Variants in LARP1B observed in about 807,000 individuals in gnomAD.
LARP1B encodes the protein La ribonucleoprotein 1B, also known as la-related protein 1B.
Under a neutral mutation model 114.2 loss-of-function variants are expected in LARP1B, and 76 were observed. That is an observed-to-expected ratio of 0.67 (90% confidence interval 0.55 to 0.81). The LOEUF is 0.81. LARP1B is among the 30% of genes least tolerant of loss of function. The pLI, the probability that LARP1B is intolerant of heterozygous loss-of-function variation, is 0.00. For missense variants in LARP1B, 1,014 were observed against 1,075.8 expected (o/e 0.94, Z 0.80); for synonymous variants, 345 against 348.0 (o/e 0.99, Z 0.10).
chr4:128,206,736 C>T, intron 18 of LARP1B, 199 bp downstream of exon 18: 1 of 985,222 alleles, frequency 1.0e-6, no homozygotes, highest in Non-Finnish European at 1.2e-6. Flanking sequence ...AAAGTAACTA[C>T]TCTCAAGTCT....
At chr4:128,167,162 C>A (rs1036586187) in intron 12 of LARP1B, among the ~76,000 whole-genome samples, 3 of 151,598 alleles carry the variant, frequency 2.0e-5, no homozygotes, top group Non-Finnish European at 3.0e-5. Context: ...AATAATGTGG[C>A]AATGGACATG....
At chr4:128,169,064 A>G (rs1742376701) in intron 12 of LARP1B, among the ~76,000 whole-genome samples, 1 of 152,066 alleles carries the variant, frequency 6.6e-6, no homozygotes, top group African/African-American at 2.4e-5. Flanking sequence ...AATTTATAAT[A>G]TGCTCTTTTT....
chr4:128,162,150 T>G, intron 11 of LARP1B, 44 bp from the exon 12 acceptor site: 1 of 1,587,960 alleles, frequency 6.3e-7, no homozygotes, highest in African/African-American at 1.4e-5. Context: ...TGTTGGTTAC[T>G]CTGTTAGCCA....
At chr4:128,122,661 C>T in intron 11 of LARP1B, 20 of 1,375,782 alleles carry the variant, frequency 1.5e-5, no homozygotes, top group Non-Finnish European at 1.9e-5. Flanking sequence ...GGTGCATGAT[C>T]TAAGGTAGTG....
intron 7 of LARP1B, among the ~76,000 whole-genome samples, chr4:128,095,840 A>ACAT: frequency 1.3e-5 from 2 of 152,006 alleles, no homozygotes; most frequent in African/African-American, 4.8e-5. Context: ...TTTCTCTGTG[A>ACAT]TTTGGAAATA....
chr4:128,066,152 T>A (rs1032923155), intron 1 of LARP1B, among the ~76,000 whole-genome samples: 5 of 147,230 alleles, frequency 3.4e-5, no homozygotes, highest in Admixed American at 2.9e-4. Flanking sequence ...ATTGTCTATT[T>A]TCTTTCTTTC....
chr4:128,064,919 A>G (rs935931971), intron 1 of LARP1B, among the ~76,000 whole-genome samples: 16 of 152,082 alleles, frequency 1.1e-4, no homozygotes, highest in African/African-American at 3.9e-4. Context: ...AAATAATAAT[A>G]TTAATAATAA....
In LARP1B at chr4:128,122,732, C is replaced by T. The variant is rs550386731; in HGVS notation, c.1524+544C>T. On this transcript the variant is annotated intron_variant, in intron 11 of 19. Transcript: ENST00000326639. ...GGATGATTATCTCTCTTGGTCTAGTCATTACTGTGGTGCTAGGGTTACTTT... is the reference window on the plus strand; with the variant it reads ...GGATGATTATCTCTCTTGGTCTAGTTATTACTGTGGTGCTAGGGTTACTTT... The T allele has an allele frequency of 2.6e-4, 323 of 1,251,288 alleles. 2 individuals carry two copies. In the African/African-American group the frequency reaches 4.7e-3, roughly 18 times the overall value. 77.5% of individuals were successfully genotyped at this position (1,251,288 alleles called of 1,614,324 possible). A position where few individuals can be genotyped will look rare whatever the true frequency, so the allele number is the denominator to read the frequency against.
At chr4:128,196,303 A>C (rs1754090301) in intron 15 of LARP1B, among the ~76,000 whole-genome samples, 1 of 151,018 alleles carries the variant, frequency 6.6e-6, no homozygotes, top group Non-Finnish European at 1.5e-5. Context: ...GAAAAAAAAA[A>C]ACCCAAAAAT....
intron 11 of LARP1B, among the ~76,000 whole-genome samples, chr4:128,159,813 G>C (rs542162135): frequency 6.6e-6 from 1 of 152,082 alleles, no homozygotes; most frequent in African/African-American, 2.4e-5. Flanking sequence ...TTCTACTAAG[G>C]CTAAATAGAA....
intron 11 of LARP1B, among the ~76,000 whole-genome samples, chr4:128,153,139 C>T (rs1733693607): frequency 6.6e-6 from 1 of 151,018 alleles, no homozygotes; most frequent in Non-Finnish European, 1.5e-5. Flanking sequence ...CCCGCCAGCA[C>T]ACCCAGCTCA....
intron 2 of LARP1B, 47 bp downstream of exon 2, chr4:128,074,565 A>G: frequency 1.9e-6 from 1 of 522,704 alleles, no homozygotes. Flanking sequence ...ATTTTTGAAA[A>G]TTGAGGCTAA....
intron 1 of LARP1B, chr4:128,062,211 T>A: frequency 1.0e-6 from 1 of 985,424 alleles, no homozygotes; most frequent in Non-Finnish European, 1.2e-6. Flanking sequence ...CTGGAAACCC[T>A]GGAGGCAGGT....
intron 8 of LARP1B, among the ~76,000 whole-genome samples, chr4:128,102,304 G>A (rs1253210414): frequency 6.6e-6 from 1 of 152,196 alleles, no homozygotes; most frequent in Non-Finnish European, 1.5e-5. Flanking sequence ...TATTGTCAGT[G>A]TCCTGAGACA....
chr4:128,164,554 C>T (rs1018730508), intron 12 of LARP1B, among the ~76,000 whole-genome samples: 2 of 152,110 alleles, frequency 1.3e-5, no homozygotes, highest in African/African-American at 4.8e-5. Flanking sequence ...ACATCAGTTT[C>T]ATATTTGGGA....
intron 11 of LARP1B, among the ~76,000 whole-genome samples, chr4:128,148,468 G>A (rs1477770832): frequency 1.3e-5 from 2 of 151,620 alleles, no homozygotes; most frequent in African/African-American, 4.8e-5. Flanking sequence ...TATATATGTA[G>A]TAATGTAGCA....
Position 128,211,677 on chromosome 4 carries a change from C to A in LARP1B, c.*1624C>A, listed in dbSNP as rs1246359259. The A allele has an allele frequency of 1.0e-6, 1 of 985,084 alleles. No homozygotes were observed. The highest frequency in any genetic ancestry group is 1.2e-6 in the Non-Finnish European group (1 of 829,804). The allele number at this position is 985,084 out of a possible 1,614,324, so 61.0% of individuals were successfully genotyped here. A position where few individuals can be genotyped will look rare whatever the true frequency, so the allele number is the denominator to read the frequency against. ...AGCTTTTCAGTGAGAAATTTCCAAA[C>A]CGTGCTTATTAGCTTTAAATGGTCT... On this transcript the variant is annotated 3_prime_UTR_variant, in exon 20 of 20. Coordinates refer to ENST00000326639, the MANE Select transcript of LARP1B (RefSeq NM_018078.4).
chr4:128,107,786 T>C, intron 9 of LARP1B: 1 of 1,526,898 alleles, frequency 6.5e-7, no homozygotes. Context: ...TTGGTTGTGT[T>C]TAGAATTTCC....
intron 1 of LARP1B, among the ~76,000 whole-genome samples, chr4:128,065,253 A>ATTTCTTTCTCTTTC (rs1553982287): frequency 1.1e-5 from 1 of 89,544 alleles, no homozygotes; most frequent in African/African-American, 4.2e-5. Context: ...CCCACAATTA[A>ATTTCTTTCTCTTTC]TTTCTTTCTT....
Sources: allele counts gnomAD v4.1 joint callset (sites outside exome capture counted in the v4.1 genomes callset), GRCh38; gene constraint gnomAD v4.1.1; transcripts MANE v1.5; gene names NCBI Gene and HGNC (gene_info 2026-07-23, HGNC 2026-07-21).